CEP70: variants seen among roughly 807,000 people sequenced by gnomAD.
CEP70 encodes the protein centrosomal protein of 70 kDa.
A neutral mutation model predicts 90.9 loss-of-function variants in CEP70; 70 were observed. That is an observed-to-expected ratio of 0.77 (90% confidence interval 0.64 to 0.94). CEP70 has a LOEUF of 0.94. Among genes scored for constraint, CEP70 ranks in the 40% least tolerant of loss-of-function variants. The probability of loss-of-function intolerance (pLI) is 0.00; values close to 1 mark genes in which losing one functional copy is unlikely to be tolerated. For missense variants in CEP70, 648 were observed against 669.0 expected (o/e 0.97, Z 0.35); for synonymous variants, 220 against 228.3 (o/e 0.96, Z 0.33).
At chr3:138,557,324 T>G (rs1050878714) in intron 6 of CEP70, among the ~76,000 whole-genome samples, 1 of 152,158 alleles carries the variant, frequency 6.6e-6, no homozygotes, top group African/African-American at 2.4e-5. Flanking sequence ...ACAAACAATT[T>G]GTGCAGTTAA....
chr3:138,526,200 A>C (rs2037228685), intron 10 of CEP70, among the ~76,000 whole-genome samples: 1 of 152,188 alleles, frequency 6.6e-6, no homozygotes, highest in East Asian at 1.9e-4. Flanking sequence ...TCACACTGTC[A>C]CCTAGGCTGG....
intron 6 of CEP70, among the ~76,000 whole-genome samples, chr3:138,561,035 CT>C (rs2040372355): frequency 1.3e-5 from 2 of 152,220 alleles, no homozygotes; most frequent in South Asian, 4.1e-4. Flanking sequence ...AGCGTTCGAG[CT>C]CTGCTAAAGG....
rs147959487 is a variant in CEP70 at position 138,535,852 on chromosome 3, T to C, written c.635+1326A>G. Reference sequence around the variant, plus strand: ...TCACCTCTCTCCTTTTTGTTCTTCCTTACCTCTCCTATTTTTCTTACCTAG... The same window carrying C: ...TCACCTCTCTCCTTTTTGTTCTTCCCTACCTCTCCTATTTTTCTTACCTAG... On this transcript the variant is annotated intron_variant, in intron 7 of 17. Transcript: ENST00000264982. Among the ~76,000 whole-genome samples, 598 of 152,298 alleles carry C rather than the reference T, an allele frequency of 3.9e-3. 3 individuals are homozygous for C. The highest frequency in any genetic ancestry group is 0.014 in the African/African-American group (575 of 41,574).
At chr3:138,545,458 AC>A in intron 6 of CEP70, among the ~76,000 whole-genome samples, 1 of 152,312 alleles carries the variant, frequency 6.6e-6, no homozygotes, top group East Asian at 1.9e-4. Flanking sequence ...TCACCTCAGG[AC>A]CACTATTGTA....
At chr3:138,576,227 C>A (rs1418478295) in intron 2 of CEP70, among the ~76,000 whole-genome samples, 2 of 152,068 alleles carry the variant, frequency 1.3e-5, no homozygotes, top group Non-Finnish European at 2.9e-5. Context: ...CAGAGACACA[C>A]ATAGGCTCAA....
intron 6 of CEP70, among the ~76,000 whole-genome samples, chr3:138,543,154 G>A (rs2038899877): frequency 6.6e-6 from 1 of 152,164 alleles, no homozygotes; most frequent in Non-Finnish European, 1.5e-5. Context: ...TGAAGGTGAG[G>A]TTTCACTGAG....
chr3:138,556,547 AAAAAG>A (rs1003240283), intron 6 of CEP70, among the ~76,000 whole-genome samples: 1 of 151,370 alleles, frequency 6.6e-6, no homozygotes, highest in Non-Finnish European at 1.5e-5. Context: ...AAAAAAAAAA[AAAAAG>A]AATTATCAAG....
chr3:138,571,050 T>C lies in CEP70; in HGVS notation c.268A>G (p.Thr90Ala). The C allele has an allele frequency of 6.3e-7, 1 of 1,591,976 alleles. No homozygotes were observed. The highest frequency in any genetic ancestry group is 8.5e-7 in the Non-Finnish European group (1 of 1,171,144). Residue 90 changes from threonine to alanine, a missense_variant, in exon 5 of 18, where the codon ACT (threonine) becomes GCT (alanine). Transcript: ENST00000264982. ...QQNMIQELIE[T>A]NQQLRNELQL... ...TTTTCTCACCTAAGCTGTTGATTAGTTTCTATAAGCTCCTGTATCATGTTC... is the reference window on the plus strand; with the variant it reads ...TTTTCTCACCTAAGCTGTTGATTAGCTTCTATAAGCTCCTGTATCATGTTC...
At chr3:138,550,130 T>C (rs1422888267) in intron 6 of CEP70, among the ~76,000 whole-genome samples, 1 of 152,078 alleles carries the variant, frequency 6.6e-6, no homozygotes, top group East Asian at 1.9e-4. Context: ...AGAAAAACAA[T>C]TCTGATATGA....
At chr3:138,525,348 G>A in intron 11 of CEP70, 142 bp downstream of exon 11, 1 of 252,720 alleles carries the variant, frequency 4.0e-6, no homozygotes, top group Non-Finnish European at 7.1e-6. Context: ...ACACCAACAT[G>A]GCACATGTAT....
chr3:138,516,395 G>C (rs2036028135), intron 11 of CEP70, among the ~76,000 whole-genome samples: 1 of 151,840 alleles, frequency 6.6e-6, no homozygotes, highest in Non-Finnish European at 1.5e-5. Context: ...TGGGGGGACG[G>C]GGGGTGGAGG....
At chr3:138,540,977 C>A (rs2038714604) in intron 6 of CEP70, among the ~76,000 whole-genome samples, 1 of 152,108 alleles carries the variant, frequency 6.6e-6, no homozygotes, top group Non-Finnish European at 1.5e-5. Flanking sequence ...TTATCCTTAG[C>A]AAACTAATGC....
intron 6 of CEP70, among the ~76,000 whole-genome samples, chr3:138,569,316 A>G (rs1440445455): frequency 6.6e-6 from 1 of 152,208 alleles, no homozygotes; most frequent in African/African-American, 2.4e-5. Flanking sequence ...AGATAGCCTG[A>G]ACTCACATAT....
At chr3:138,550,512 T>G (rs963857448) in intron 6 of CEP70, among the ~76,000 whole-genome samples, 4 of 152,112 alleles carry the variant, frequency 2.6e-5, no homozygotes, top group Non-Finnish European at 5.9e-5. Flanking sequence ...TACAGGCATG[T>G]GCCACCACGC....
intron 6 of CEP70, among the ~76,000 whole-genome samples, chr3:138,563,064 T>C (rs2040523853): frequency 6.6e-6 from 1 of 150,812 alleles, no homozygotes; most frequent in South Asian, 2.1e-4. Flanking sequence ...TCCTAGTCTC[T>C]GATAAAACAG....
chr3:138,579,847 T>C (rs546342384), intron 2 of CEP70, among the ~76,000 whole-genome samples: 7 of 151,666 alleles, frequency 4.6e-5, no homozygotes, highest in Admixed American at 2.6e-4. Context: ...GACGGAAGAG[T>C]AAAGAAGACT....
At chr3:138,589,322 A>T (rs562299156) in intron 2 of CEP70, among the ~76,000 whole-genome samples, 1 of 152,114 alleles carries the variant, frequency 6.6e-6, no homozygotes, top group Admixed American at 6.6e-5. Context: ...CAACCAACAC[A>T]GTGATATATT....
At chr3:138,549,339 C>T (rs1457945772) in intron 6 of CEP70, among the ~76,000 whole-genome samples, 1 of 151,872 alleles carries the variant, frequency 6.6e-6, no homozygotes, top group Non-Finnish European at 1.5e-5. Flanking sequence ...TGCCTGGAAA[C>T]AAACTTGGTG....
Position 138,537,238 on chromosome 3 carries a change from G to A in CEP70, c.575C>T (p.Thr192Ile), listed in dbSNP as rs2038354680. The A allele has an allele frequency of 6.2e-7, 1 of 1,606,184 alleles. No individual in the cohort carries two copies. The highest frequency in any genetic ancestry group is 1.3e-5 in the African/African-American group (1 of 74,516). The change falls in exon 7 of 18, where the codon ACT becomes ATT. Residue 192 changes from threonine to isoleucine, a missense_variant. By Grantham distance (89) the Thr-to-Ile change is moderately conservative. Coordinates refer to ENST00000264982, the MANE Select transcript of CEP70 (RefSeq NM_024491.4). ...LKKEEEDRIV[T>I]QNRVFAYLCK... ...CAGATAGGCAAACACTCTGTTTTGA[G>A]TGACAATGCGATCTTCTTCCTCCTT...
Sources: allele counts gnomAD v4.1 joint callset (sites outside exome capture counted in the v4.1 genomes callset), GRCh38; gene constraint gnomAD v4.1.1; transcripts MANE v1.5; gene names NCBI Gene and HGNC (gene_info 2026-07-23, HGNC 2026-07-21).